Variants in DLG1 observed in about 807,000 individuals in gnomAD.
The protein encoded by DLG1 is discs large MAGUK scaffold protein 1, also known as disks large homolog 1.
Under a neutral mutation model 123.4 loss-of-function variants are expected in DLG1, and 42 were observed. The observed-to-expected ratio is 0.34, with a 90% CI of 0.27 to 0.44. The LOEUF (loss-of-function observed/expected upper bound fraction) is 0.44, where lower values mean the gene tolerates loss of function less well. DLG1 is among the 20% of genes least tolerant of loss of function. The pLI is 1.00. For synonymous variants in DLG1, 317 were observed against 356.2 expected (o/e 0.89, Z 1.24); for missense variants, 942 against 1,082.6 (o/e 0.87, Z 1.82).
At chr3:197,234,097 AAC>A (rs766325199) in intron 4 of DLG1, among the ~76,000 whole-genome samples, 1 of 152,374 alleles carries the variant, frequency 6.6e-6, no homozygotes, top group African/African-American at 2.4e-5. Context: ...TAAGCCAATC[AAC>A]ACACAGTCTT....
At chr3:197,182,010 ATACATGAACTAC>A (rs1183957147) in intron 5 of DLG1, among the ~76,000 whole-genome samples, 1 of 152,182 alleles carries the variant, frequency 6.6e-6, no homozygotes, top group African/African-American at 2.4e-5. Context: ...TCAACACTTT[ATACATGAACTAC>A]TTTTCCTGTC....
At chr3:197,112,756 A>G (rs1265339755) in intron 13 of DLG1, among the ~76,000 whole-genome samples, 1 of 151,990 alleles carries the variant, frequency 6.6e-6, no homozygotes, top group Admixed American at 6.6e-5. Context: ...ATGTCTGGCT[A>G]ATTAAAAAAA....
intron 24 of DLG1, among the ~76,000 whole-genome samples, chr3:197,047,678 G>A (rs1190861333): frequency 1.3e-5 from 2 of 151,948 alleles, no homozygotes; most frequent in Non-Finnish European, 2.9e-5. Flanking sequence ...ACACAATAGG[G>A]AAAGGCTAGT....
At chr3:197,081,697 A>G (rs566495639) in intron 16 of DLG1, among the ~76,000 whole-genome samples, 9 of 151,508 alleles carry the variant, frequency 5.9e-5, no homozygotes, top group African/African-American at 2.2e-4. Context: ...TTATTGAAGT[A>G]AGAGTTTTAA....
chr3:197,123,462 A>C (rs1777456258), intron 11 of DLG1, among the ~76,000 whole-genome samples: 1 of 152,248 alleles, frequency 6.6e-6, no homozygotes, highest in African/African-American at 2.4e-5. Flanking sequence ...GCATTGAACA[A>C]GAGTCAAAGC....
At chr3:197,241,113 A>G (rs942243512) in intron 4 of DLG1, among the ~76,000 whole-genome samples, 1 of 152,166 alleles carries the variant, frequency 6.6e-6, no homozygotes, top group Non-Finnish European at 1.5e-5. Flanking sequence ...TCAAATTTGA[A>G]AAGTCAAAGA....
Position 197,142,738 on chromosome 3 carries a change from C to T in DLG1, c.568G>A (p.Glu190Lys). The T allele has an allele frequency of 6.2e-7, 1 of 1,608,550 alleles. No individual in the cohort carries two copies. The highest frequency in any genetic ancestry group is 1.3e-5 in the African/African-American group (1 of 74,844). The change falls in exon 7 of 25, where the codon GAA becomes AAA. Residue 190 changes from glutamate to lysine, a missense_variant. Transcript: ENST00000667157. ...TTTACCCTTTCAAGTGTGATTTCTT[C>T]ATATTCATAATCTGCATCTGTGCCA... The part of the protein sequence containing the change: ...VNGTDADYEY[E>K]EITLERGNSG...
At chr3:197,277,577 G>C (rs982275402) in intron 4 of DLG1, among the ~76,000 whole-genome samples, 3 of 152,070 alleles carry the variant, frequency 2.0e-5, no homozygotes, top group Non-Finnish European at 4.4e-5. Context: ...CTGACCTCAG[G>C]TGATTCACCT....
chr3:197,241,067 T>A (rs1033811048), intron 4 of DLG1, among the ~76,000 whole-genome samples: 2 of 151,974 alleles, frequency 1.3e-5, no homozygotes, highest in Non-Finnish European at 2.9e-5. Flanking sequence ...GAAAACACAT[T>A]TGACCCAAAT....
chr3:197,149,908 A>G, intron 5 of DLG1, 112 bp from the exon 6 acceptor site: 1 of 683,416 alleles, frequency 1.5e-6, no homozygotes. Context: ...ATAATCTTAT[A>G]TGAGCTTTTT....
chr3:197,227,982 C>T (rs1281530619), intron 4 of DLG1, among the ~76,000 whole-genome samples: 3 of 152,182 alleles, frequency 2.0e-5, no homozygotes, highest in African/African-American at 7.2e-5. Context: ...TAAGTCAGAG[C>T]CATAGTTGTT....
intron 4 of DLG1, among the ~76,000 whole-genome samples, chr3:197,208,615 A>G (rs181354802): frequency 6.9e-6 from 1 of 145,342 alleles, no homozygotes; most frequent in African/African-American, 2.4e-5. Flanking sequence ...AAATAGAAAA[A>G]ACTCCAGAAT....
At chr3:197,189,955 A>G (rs1041760211) in intron 5 of DLG1, among the ~76,000 whole-genome samples, 1 of 152,232 alleles carries the variant, frequency 6.6e-6, no homozygotes, top group South Asian at 2.1e-4. Context: ...AATTAATAAC[A>G]TACTCCTTTA....
intron 5 of DLG1, among the ~76,000 whole-genome samples, chr3:197,167,169 T>G (rs931166879): frequency 1.3e-5 from 2 of 152,008 alleles, no homozygotes; most frequent in African/African-American, 4.8e-5. Flanking sequence ...CATACTGATA[T>G]AAATAAATAC....
At chr3:197,270,292 C>T (rs1057088705) in intron 4 of DLG1, among the ~76,000 whole-genome samples, 7 of 152,000 alleles carry the variant, frequency 4.6e-5, no homozygotes, top group African/African-American at 1.7e-4. Context: ...AATATGAGCA[C>T]CCAAACTTAA....
chr3:197,263,270 A>G (rs937494443), intron 4 of DLG1, among the ~76,000 whole-genome samples: 6 of 152,190 alleles, frequency 3.9e-5, no homozygotes, highest in African/African-American at 1.4e-4. Flanking sequence ...GGCAGACTTC[A>G]TAATAGAAAA....
At chr3:197,293,332 T>G (rs1741948) in intron 3 of DLG1, among the ~76,000 whole-genome samples, 85,187 of 151,446 alleles carry the variant, frequency 0.56, 24,442 homozygotes, top group East Asian at 0.78. Flanking sequence ...CTGCTTTCAA[T>G]AATTTTTAAA....
At chr3:197,126,334 G>C (rs577364744) in intron 11 of DLG1, among the ~76,000 whole-genome samples, 1 of 152,068 alleles carries the variant, frequency 6.6e-6, no homozygotes, top group East Asian at 1.9e-4. Context: ...AAATTAGCAG[G>C]GCGTGGTGGC....
chr3:197,180,223 C>T (rs372702463), intron 5 of DLG1, among the ~76,000 whole-genome samples: 4 of 152,110 alleles, frequency 2.6e-5, no homozygotes, highest in Non-Finnish European at 4.4e-5. Context: ...CATTAATAAA[C>T]GTCGATATCA....
Sources: allele counts gnomAD v4.1 joint callset (sites outside exome capture counted in the v4.1 genomes callset), GRCh38; gene constraint gnomAD v4.1.1; transcripts MANE v1.5; gene names NCBI Gene and HGNC (gene_info 2026-07-23, HGNC 2026-07-21).